FAM111B: variants seen among roughly 807,000 people sequenced by gnomAD.
FAM111B encodes the protein FAM111 trypsin like peptidase B.
FAM111B carries 1 observed loss-of-function variant against 2.8 expected under a neutral mutation model. The observed-to-expected ratio is 0.36, with a 90% confidence interval of 0.13 to 1.70. The LOEUF is 1.70. FAM111B is among the 40% of genes most tolerant of loss of function. The probability of loss-of-function intolerance (pLI) is 0.35; values close to 1 mark genes in which losing one functional copy is unlikely to be tolerated. For missense variants in FAM111B, 882 were observed against 878.9 expected, an observed-to-expected ratio of 1.00 and a Z score of -0.04; for synonymous variants, 297 against 295.6, an observed-to-expected ratio of 1.00 and a Z score of -0.05.
In FAM111B at chr11:59,118,793, G is replaced by A. The variant is rs574122285; in HGVS notation, c.82-5386G>A. Among the ~76,000 whole-genome samples, 286 of 152,164 alleles carry A rather than the reference G, an allele frequency of 1.9e-3. 2 individuals carry two copies. The highest frequency in any genetic ancestry group is 6.6e-3 in the African/African-American group (272 of 41,504). Reference sequence around the variant, plus strand: ...CAGGCTTACCAAATACTTTCTCTATGTCTGTTGAGATGATTCTGTGTATAT... The same window carrying A: ...CAGGCTTACCAAATACTTTCTCTATATCTGTTGAGATGATTCTGTGTATAT... On this transcript the variant is annotated intron_variant, in intron 3 of 3. Coordinates refer to ENST00000343597, the MANE Select transcript of FAM111B (RefSeq NM_198947.4).
Position 59,124,699 on chromosome 11 carries a change from T to G in FAM111B, c.602T>G (p.Ile201Ser). Residue 201 changes from isoleucine (I) to serine (S), a missense_variant, in exon 4 of 4, where the codon ATC (isoleucine) becomes AGC (serine). By Grantham distance (142) the Ile-to-Ser change is moderately radical. Coordinates refer to ENST00000343597, the MANE Select transcript of FAM111B (RefSeq NM_198947.4). The part of the protein sequence containing the change: ...IGRTRKKIVK[I>S]NELHEKGSKL... ...AGGACAAGAAAGAAGATTGTTAAGA[T>G]CAACGAACTTCATGAAAAAGGAAGT... 1 of 1,613,638 alleles carries G rather than the reference T, an allele frequency of 6.2e-7. No homozygotes were observed. The highest frequency in any genetic ancestry group is 8.5e-7 in the Non-Finnish European group (1 of 1,179,736).
rs1859740001 is a variant in FAM111B, at chr11:59,110,388, G to A, written c.81+682G>A. On this transcript the variant is annotated intron_variant, in intron 3 of 3. Coordinates refer to ENST00000343597, the MANE Select transcript of FAM111B (RefSeq NM_198947.4). ...TCATAGGTGTCGAAGTGGTTGTTGG[G>A]CTGGGAATAGAGAAAAATGGAGGTA... is the stretch of plus-strand genomic sequence containing the variant. Among the ~76,000 whole-genome samples, 3 of 152,222 alleles carry A rather than the reference G, an allele frequency of 2.0e-5. 1 individual carries two copies. In the South Asian group the frequency reaches 6.2e-4, roughly 32 times the overall value.
chr11:59,108,176 A>G (rs1349765103), intron 1 of FAM111B, among the ~76,000 whole-genome samples: 1 of 152,228 alleles, frequency 6.6e-6, no homozygotes, highest in African/African-American at 2.4e-5. Context: ...GAACCAATTC[A>G]CACGAACAAT....
At chr11:59,121,273 A>G (rs994248059) in intron 3 of FAM111B, among the ~76,000 whole-genome samples, 7 of 152,178 alleles carry the variant, frequency 4.6e-5, no homozygotes, top group Admixed American at 3.3e-4. Context: ...TCAATAATAA[A>G]AAGAAAAATA....
At chr11:59,113,531 G>C (rs1859792058) in intron 3 of FAM111B, among the ~76,000 whole-genome samples, 1 of 152,224 alleles carries the variant, frequency 6.6e-6, no homozygotes, top group Non-Finnish European at 1.5e-5. Flanking sequence ...AGAGAACTGT[G>C]AGTGGCTGCT....
At chr11:59,108,816 C>T (rs1035906735) in intron 2 of FAM111B, 104 bp downstream of exon 2, 3 of 152,110 alleles carry the variant, frequency 2.0e-5, no homozygotes, top group African/African-American at 7.2e-5. Context: ...CATATTTATC[C>T]ACTTTTTAAG....
At chr11:59,114,769 A>G (rs1189488836) in intron 3 of FAM111B, among the ~76,000 whole-genome samples, 1 of 152,118 alleles carries the variant, frequency 6.6e-6, no homozygotes, top group Non-Finnish European at 1.5e-5. Context: ...CTTGGAGCTG[A>G]CACTGTAGAG....
Position 59,124,412 on chromosome 11 carries a change from G to A in FAM111B, c.315G>A (p.Glu105=), listed in dbSNP as rs1405300967. 1 of 1,613,572 alleles carries A rather than the reference G, an allele frequency of 6.2e-7. No homozygotes were observed. Among genetic ancestry groups the A allele is most frequent in the South Asian group, 1.1e-5 (1 of 91,070 alleles). Residue 105 remains glutamate, a synonymous_variant, in exon 4 of 4, where the codon GAG becomes GAA. Coordinates refer to ENST00000343597, the MANE Select transcript of FAM111B (RefSeq NM_198947.4). ...TTACAGCATATGGTAAACCCAGCGA[G>A]AGTATCTACTCAGCCCTGAGTGCTA... ...SVFTAYGKPS[E]SIYSALSAND...
chr11:59,109,649 AAAC>A lies in FAM111B; in HGVS notation c.27_29del (p.Asn9del). 1.2e-6 allele frequency: 2 copies of A among 1,611,730 alleles called. No individual in the cohort carries two copies. The highest frequency in any genetic ancestry group is 2.2e-5 in the South Asian group (2 of 90,690). On this transcript the variant is annotated inframe_deletion, in exon 3 of 4. Transcript: ENST00000343597. The stretch of plus-strand genomic sequence containing the variant: ...TCATGAATTCCATGAAGACTGAAGA[AAAC>A]AAGTCATTTAGCGCTATGGAAGATG...
Position 59,109,544 on chromosome 11 carries a change from T to A in FAM111B, c.-82T>A. ...TTGTTTTTTTGGTTTTTTTAGACATTTCAGGTGGCAGAATAAATTCAATCC... is the reference window on the plus strand; with the variant it reads ...TTGTTTTTTTGGTTTTTTTAGACATATCAGGTGGCAGAATAAATTCAATCC... On this transcript the variant is annotated 5_prime_UTR_variant, in exon 3 of 4. Coordinates refer to ENST00000343597, the MANE Select transcript of FAM111B (RefSeq NM_198947.4). The A allele has an allele frequency of 9.9e-7, 1 of 1,011,240 alleles. No homozygotes were observed. The allele number at this position is 1,011,240 out of a possible 1,614,324, so 62.6% of individuals were successfully genotyped here. A position where few individuals can be genotyped will look rare whatever the true frequency, so the allele number is the denominator to read the frequency against.
chr11:59,124,044 A>AT (rs377469298), intron 3 of FAM111B, 135 bp from the exon 4 acceptor site: 21 of 544,230 alleles, frequency 3.9e-5, no homozygotes, highest in Admixed American at 3.8e-4. Context: ...ATAGTGATTG[A>AT]TTTTTTCTCC....
intron 3 of FAM111B, 80 bp from the exon 4 acceptor site, chr11:59,124,099 C>A: frequency 1.1e-6 from 1 of 917,718 alleles, no homozygotes; most frequent in Non-Finnish European, 1.6e-6. Flanking sequence ...TTCATAATAT[C>A]TATTAGTTCT....
At position 59,124,893 on chromosome 11, in the gene FAM111B, A is replaced by G; in HGVS notation, c.796A>G (p.Met266Val). ...TGAAGTATCTGGAAAAGTCTTAGAA[A>G]TGGACATTTCAAAAAAAAAAGCATT... ...VDEVSGKVLEMDISKKKALQQ... is the reference protein window; with the variant it reads ...VDEVSGKVLEVDISKKKALQQ... The change falls in exon 4 of 4, where the codon ATG becomes GTG. Residue 266 changes from methionine (M) to valine (V), a missense_variant. Met to Val is a conservative substitution (Grantham distance 21). Coordinates refer to ENST00000343597, the MANE Select transcript of FAM111B (RefSeq NM_198947.4). 1 of 1,602,484 alleles carries G rather than the reference A, an allele frequency of 6.2e-7. No individual in the cohort carries two copies. The highest frequency in any genetic ancestry group is 8.5e-7 in the Non-Finnish European group (1 of 1,176,652).
chr11:59,118,722 A>C (rs1306888937), intron 3 of FAM111B, among the ~76,000 whole-genome samples: 5 of 152,192 alleles, frequency 3.3e-5, no homozygotes, highest in African/African-American at 1.2e-4. Context: ...AGATTGAAGA[A>C]GTTTCCTTTT....
intron 3 of FAM111B, among the ~76,000 whole-genome samples, chr11:59,121,402 T>C (rs769527900): frequency 6.6e-6 from 1 of 152,156 alleles, no homozygotes; most frequent in Non-Finnish European, 1.5e-5. Flanking sequence ...TAAGATGCTA[T>C]TTCACACCCA....
chr11:59,122,847 C>T (rs1448870298), intron 3 of FAM111B, among the ~76,000 whole-genome samples: 1 of 152,158 alleles, frequency 6.6e-6, no homozygotes, highest in Non-Finnish European at 1.5e-5. Flanking sequence ...GACCTAAGCT[C>T]ATTCCATTGC....
rs117687481 is a variant in FAM111B at position 59,116,319 on chromosome 11, G to C, written c.81+6613G>C. On this transcript the variant is annotated intron_variant, in intron 3 of 3. Coordinates refer to ENST00000343597, the MANE Select transcript of FAM111B (RefSeq NM_198947.4). ...TATTCTTACCAACAAAGAGTAACAG[G>C]CATCTCCAAATATGCCTGACCACAC... is the stretch of plus-strand genomic sequence containing the variant. Among the ~76,000 whole-genome samples, 26 of 152,246 alleles carry C rather than the reference G, an allele frequency of 1.7e-4. 1 individual carries two copies. In the East Asian group the frequency reaches 4.8e-3, roughly 28 times the overall value.
chr11:59,122,199 A>T (rs1423535396), intron 3 of FAM111B, among the ~76,000 whole-genome samples: 1 of 152,252 alleles, frequency 6.6e-6, no homozygotes, highest in African/African-American at 2.4e-5. Flanking sequence ...AGAAGAACAT[A>T]TTCAGCTGGA....
intron 3 of FAM111B, among the ~76,000 whole-genome samples, chr11:59,113,088 C>A (rs1859783886): frequency 6.6e-6 from 1 of 152,158 alleles, no homozygotes; most frequent in Non-Finnish European, 1.5e-5. Flanking sequence ...GATCACAAAA[C>A]ATTTCTAGTT....
Sources: gnomAD v4.1 joint callset for allele counts (sites outside exome capture counted in the v4.1 genomes callset) on GRCh38, gnomAD v4.1.1 for gene constraint, MANE v1.5 for transcripts, NCBI Gene and HGNC (gene_info 2026-07-23, HGNC 2026-07-21) for gene names.